The following KHDC3L variants were observed in gnomAD, a reference collection of about 807,000 sequenced individuals.
The protein encoded by KHDC3L is KH domain containing 3 like, subcortical maternal complex member.
Under a neutral mutation model 11.4 loss-of-function variants are expected in KHDC3L, and 6 were observed. That is an observed-to-expected ratio of 0.52 (90% CI 0.29 to 1.03). The LOEUF (loss-of-function observed/expected upper bound fraction) is 1.03. Among genes scored for constraint, KHDC3L ranks in the 50% least tolerant of loss-of-function variants. The probability of loss-of-function intolerance (pLI) is 0.09; values close to 1 mark genes in which losing one functional copy is unlikely to be tolerated. For synonymous variants in KHDC3L, 127 were observed against 120.9 expected (o/e 1.05, Z -0.33); for missense variants, 293 against 290.4 (o/e 1.01, Z -0.07).
chr6:73,362,812 C>A lies in KHDC3L; in HGVS notation c.83C>A (p.Pro28His), dbSNP rs948834870. Reference protein sequence around the residue: ...AMPVEVLGHLPKRFSWFHSEF... With the variant: ...AMPVEVLGHLHKRFSWFHSEF... ...CCAGTGGAGGTGCTCGGTCACCTCC[C>A]TAAGCGGTTCTCCTGGTTCCACTCT... Residue 28 changes from proline to histidine, a missense_variant, in exon 1 of 3, where the codon CCT becomes CAT. Transcript: ENST00000370367. 5 of 1,614,186 alleles carry A rather than the reference C, an allele frequency of 3.1e-6. No individual in the cohort carries two copies. The highest frequency in any genetic ancestry group is 4.2e-6 in the Non-Finnish European group (5 of 1,180,022).
chr6:73,363,802 G>T lies in KHDC3L; in HGVS notation c.596G>T (p.Ser199Ile). 2 of 1,612,582 alleles carry T rather than the reference G, an allele frequency of 1.2e-6. No homozygotes were observed. Among genetic ancestry groups the T allele is most frequent in the Non-Finnish European group, 8.5e-7 (1 of 1,179,654 alleles). The change falls in exon 3 of 3, where the codon AGC (serine) becomes ATC (isoleucine). Residue 199 changes from serine (S) to isoleucine (I), a missense_variant. By Grantham distance (142) the Ser-to-Ile change is moderately radical. Transcript: ENST00000370367. ...SGTQRSPEAA[S>I]KAVTQRFRED... The stretch of plus-strand genomic sequence containing the variant: ...ACCCAGCGATCCCCCGAAGCTGCCA[G>T]CAAGGCAGTGACCCAGCGGTTTCGC...
intron 1 of KHDC3L, 38 bp downstream of exon 1, chr6:73,362,936 C>T: frequency 3.1e-6 from 5 of 1,613,742 alleles, no homozygotes; most frequent in Non-Finnish European, 3.4e-6. Flanking sequence ...CATGCGGCTT[C>T]TTTCTGCCAC....
At position 73,363,119 on chromosome 6, in the gene KHDC3L, A is replaced by G. The variant is rs1768898287; in HGVS notation, c.194A>G (p.His65Arg). Reference protein sequence around the residue: ...IFGRGGERIPHVQGMSQILIH... With the variant: ...IFGRGGERIPRVQGMSQILIH... ...GGCCGGGGCGGAGAACGCATCCCGC[A>G]CGTCCAGGGTATGTCCCAAATCTTG... is the stretch of plus-strand genomic sequence containing the variant. The change falls in exon 2 of 3, where the codon CAC (histidine) becomes CGC (arginine). Residue 65 changes from histidine (H) to arginine (R), a missense_variant. His to Arg is a conservative substitution (Grantham distance 29). Transcript: ENST00000370367. The G allele has an allele frequency of 2.5e-6, 4 of 1,614,052 alleles. No homozygotes were observed. In the South Asian group the frequency reaches 3.3e-5, roughly 13 times the overall value.
At position 73,363,720 on chromosome 6, in the gene KHDC3L, G is replaced by A; in HGVS notation, c.514G>A (p.Val172Met). The change falls in exon 3 of 3, where the codon GTG (valine) becomes ATG (methionine). Residue 172 changes from valine to methionine, a missense_variant. Transcript: ENST00000370367. ...GGAGGTCGGGACACAGGGTTCTCCG[G>A]TGGAGGTGCAGGAGGCCGGGACCCA... is the stretch of plus-strand genomic sequence containing the variant. Reference protein sequence around the residue: ...VQEVGTQGSPVEVQEAGTQQS... With the variant: ...VQEVGTQGSPMEVQEAGTQQS... 6.2e-7 allele frequency: 1 copy of A among 1,613,116 alleles called. No individual in the cohort carries two copies. Among genetic ancestry groups the A allele is most frequent in the Non-Finnish European group, 8.5e-7 (1 of 1,179,942 alleles).
chr6:73,363,632 G>T lies in KHDC3L; in HGVS notation c.426G>T (p.Glu142Asp). Reference sequence around the variant, plus strand: ...AGCGGTCTTCAATAGAAGTCCGGGAGGCCGGGACGCAGCGTTCGGTGGAGG... The same window carrying T: ...AGCGGTCTTCAATAGAAGTCCGGGATGCCGGGACGCAGCGTTCGGTGGAGG... ...ETQRSSIEVR[E>D]AGTQRSVEVR... The change falls in exon 3 of 3, where the codon GAG becomes GAT. Residue 142 changes from glutamate to aspartate, a missense_variant. Glu to Asp is a conservative substitution (Grantham distance 45, BLOSUM62 2). Transcript: ENST00000370367. 6.2e-7 allele frequency: 1 copy of T among 1,613,194 alleles called. No individual in the cohort carries two copies. Among genetic ancestry groups the T allele is most frequent in the Non-Finnish European group, 8.5e-7 (1 of 1,179,462 alleles).
In KHDC3L at chr6:73,363,656, G is replaced by A. The variant is rs1486578798; in HGVS notation, c.450G>A (p.Glu150=). ...VREAGTQRSV[E]VREAGTQRSV... The stretch of plus-strand genomic sequence containing the variant: ...AGGCCGGGACGCAGCGTTCGGTGGA[G>A]GTCCGGGAGGCCGGGACCCAGCGTT... The change falls in exon 3 of 3, where the codon GAG becomes GAA. Residue 150 remains glutamate (E), a synonymous_variant. Coordinates refer to ENST00000370367, the MANE Select transcript of KHDC3L (RefSeq NM_001017361.3). 1 of 1,612,850 alleles carries A rather than the reference G, an allele frequency of 6.2e-7. No individual in the cohort carries two copies. Among genetic ancestry groups the A allele is most frequent in the Non-Finnish European group, 8.5e-7 (1 of 1,179,282 alleles).
At position 73,362,746 on chromosome 6, in the gene KHDC3L, G is replaced by T; in HGVS notation, c.17G>T (p.Arg6Leu). The change falls in exon 1 of 3, where the codon CGG (arginine) becomes CTG (leucine). Residue 6 changes from arginine to leucine, a missense_variant. Arg to Leu is a moderately radical substitution (Grantham distance 102, BLOSUM62 -2). Transcript: ENST00000370367. The part of the protein sequence containing the change: MDAPR[R>L]FPTLVQLMQP... ...GGCCGCAGCATGGACGCTCCCAGGC[G>T]GTTTCCGACGCTCGTGCAACTGATG... The T allele has an allele frequency of 1.9e-6, 3 of 1,614,162 alleles. No individual in the cohort carries two copies. Among genetic ancestry groups the T allele is most frequent in the Non-Finnish European group, 2.5e-6 (3 of 1,180,024 alleles).
In KHDC3L at chr6:73,363,739, G is replaced by A; in HGVS notation, c.533G>A (p.Gly178Glu). Reference sequence around the variant, plus strand: ...TCTCCGGTGGAGGTGCAGGAGGCCGGGACCCAGCAGTCTCTCCAGGCTGCC... The same window carrying A: ...TCTCCGGTGGAGGTGCAGGAGGCCGAGACCCAGCAGTCTCTCCAGGCTGCC... Reference protein sequence around the residue: ...QGSPVEVQEAGTQQSLQAANK... With the variant: ...QGSPVEVQEAETQQSLQAANK... The change falls in exon 3 of 3, where the codon GGG becomes GAG. Residue 178 changes from glycine to glutamate, a missense_variant. Physicochemically the swap from Gly to Glu is moderately conservative, Grantham distance 98. Transcript: ENST00000370367. 6.2e-7 allele frequency: 1 copy of A among 1,613,826 alleles called. No individual in the cohort carries two copies. Among genetic ancestry groups the A allele is most frequent in the South Asian group, 1.1e-5 (1 of 91,070 alleles).
chr6:73,364,050 G>T lies in KHDC3L; in HGVS notation c.*190G>T. ...GAAGCCCGCCCCCCGCCTCCCCCCC[G>T]CCTCACTTAAGTCCAGGAAGCTGGG... On this transcript the variant is annotated 3_prime_UTR_variant, in exon 3 of 3. Transcript: ENST00000370367. 2 of 655,016 alleles carry T rather than the reference G, an allele frequency of 3.1e-6. No homozygotes were observed. The highest frequency in any genetic ancestry group is 5.5e-5 in the East Asian group (2 of 36,630). 40.6% of individuals were successfully genotyped at this position (655,016 alleles called of 1,614,324 possible).
chr6:73,363,865 A>T lies in KHDC3L; in HGVS notation c.*5A>T. 6.2e-7 allele frequency: 1 copy of T among 1,606,902 alleles called. No homozygotes were observed. ...GACCCAGTTACTAGATTATGAAGGC[A>T]TCTCAGGCCCTGGAGCCAGAGCCAG... On this transcript the variant is annotated 3_prime_UTR_variant, in exon 3 of 3. Coordinates refer to ENST00000370367, the MANE Select transcript of KHDC3L (RefSeq NM_001017361.3).
intron 2 of KHDC3L, 135 bp from the exon 3 acceptor site, chr6:73,363,421 G>C: frequency 2.1e-6 from 3 of 1,414,960 alleles, no homozygotes; most frequent in Non-Finnish European, 2.9e-6. Context: ...TCGCTGCCAC[G>C]GATCCAGAAG....
rs919560993 is a variant in KHDC3L, at chr6:73,364,133, C to CCAACA, written c.*277_*281dup. 47 of 536,296 alleles carry CCAACA rather than the reference C, an allele frequency of 8.8e-5. No homozygotes were observed. The Admixed American group carries it at 1.3e-3, about 14-fold the overall frequency. 33.2% of individuals were successfully genotyped at this position (536,296 alleles called of 1,614,324 possible). A position where few individuals can be genotyped will look rare whatever the true frequency, so the allele number is the denominator to read the frequency against. ...TTTTACACCTTCTGTTGAATGGTTG[C>CCAACA]CAACACAAACTTGAGTTCTAATAAA... is the stretch of plus-strand genomic sequence containing the variant. On this transcript the variant is annotated 3_prime_UTR_variant, in exon 3 of 3. Coordinates refer to ENST00000370367, the MANE Select transcript of KHDC3L (RefSeq NM_001017361.3).
Position 73,364,019 on chromosome 6 carries a change from A to G in KHDC3L, c.*159A>G, listed in dbSNP as rs1032302298. The G allele has an allele frequency of 1.9e-5, 15 of 791,344 alleles. No individual in the cohort carries two copies. The South Asian group carries it at 2.1e-4, about 11-fold the overall frequency. 49.0% of individuals were successfully genotyped at this position (791,344 alleles called of 1,614,324 possible). Reference sequence around the variant, plus strand: ...AACTTGAGTTCTAATAAAGAATTGCAAAGTGGAAGCCCGCCCCCCGCCTCC... The same window carrying G: ...AACTTGAGTTCTAATAAAGAATTGCGAAGTGGAAGCCCGCCCCCCGCCTCC... On this transcript the variant is annotated 3_prime_UTR_variant, in exon 3 of 3. Coordinates refer to ENST00000370367, the MANE Select transcript of KHDC3L (RefSeq NM_001017361.3).
chr6:73,364,007 A>G lies in KHDC3L; in HGVS notation c.*147A>G, dbSNP rs974978728. ...GTTGCAAACACAAACTTGAGTTCTA[A>G]TAAAGAATTGCAAAGTGGAAGCCCG... On this transcript the variant is annotated 3_prime_UTR_variant, in exon 3 of 3. Coordinates refer to ENST00000370367, the MANE Select transcript of KHDC3L (RefSeq NM_001017361.3). 1.1e-6 allele frequency: 1 copy of G among 878,024 alleles called. No individual in the cohort carries two copies. Among genetic ancestry groups the G allele is most frequent in the East Asian group, 2.6e-5 (1 of 37,762 alleles). The allele number at this position is 878,024 out of a possible 1,614,324, so 54.4% of individuals were successfully genotyped here.
At position 73,364,157 on chromosome 6, in the gene KHDC3L, A is replaced by C; in HGVS notation, c.*297A>C. 2.1e-6 allele frequency: 1 copy of C among 485,978 alleles called. No homozygotes were observed. The highest frequency in any genetic ancestry group is 5.8e-4 in the Middle Eastern group (1 of 1,716). 30.1% of individuals were successfully genotyped at this position (485,978 alleles called of 1,614,324 possible). The stretch of plus-strand genomic sequence containing the variant: ...GCCAACACAAACTTGAGTTCTAATA[A>C]ATAATTGCATTTCCCTAACGTCTGT... On this transcript the variant is annotated 3_prime_UTR_variant, in exon 3 of 3. Transcript: ENST00000370367.
At chr6:73,363,406 G>C (rs1447005466) in intron 2 of KHDC3L, 132 bp downstream of exon 2, 2 of 1,395,924 alleles carry the variant, frequency 1.4e-6, no homozygotes, top group South Asian at 2.3e-5. Flanking sequence ...GGGAGGGGGC[G>C]GTTCTCGCTG....
At chr6:73,363,332 T>C in intron 2 of KHDC3L, 58 bp downstream of exon 2, 1 of 1,591,914 alleles carries the variant, frequency 6.3e-7, no homozygotes, top group South Asian at 1.1e-5. Context: ...GGAGTGATCC[T>C]GGGGTTTCCT....
intron 1 of KHDC3L, 65 bp downstream of exon 1, chr6:73,362,963 C>T: frequency 1.2e-6 from 2 of 1,607,860 alleles, no homozygotes; most frequent in Non-Finnish European, 1.7e-6. Context: ...CCACAGCCCA[C>T]ATATTCTGGC....
rs753622103 is a variant in KHDC3L at position 73,362,742 on chromosome 6, A to G, written c.13A>G (p.Arg5Gly). 5 of 1,614,164 alleles carry G rather than the reference A, an allele frequency of 3.1e-6. No individual in the cohort carries two copies. The highest frequency in any genetic ancestry group is 1.1e-5 in the South Asian group (1 of 91,084). The change falls in exon 1 of 3, where the codon AGG becomes GGG. Residue 5 changes from arginine (R) to glycine (G), a missense_variant. Arg to Gly is a moderately radical substitution (Grantham distance 125, BLOSUM62 -2). Coordinates refer to ENST00000370367, the MANE Select transcript of KHDC3L (RefSeq NM_001017361.3). ...GACCGGCCGCAGCATGGACGCTCCC[A>G]GGCGGTTTCCGACGCTCGTGCAACT... MDAP[R>G]RFPTLVQLMQ...
Sources: allele counts gnomAD v4.1 joint callset, GRCh38; gene constraint gnomAD v4.1.1; transcripts MANE v1.5; gene names NCBI Gene and HGNC (gene_info 2026-07-23, HGNC 2026-07-21).